BCCIP: variants seen among roughly 807,000 people sequenced by gnomAD.
BCCIP encodes BRCA2 and CDKN1A interacting protein, also known as BRCA2 and CDKN1A-interacting protein.
A neutral mutation model predicts 32.8 loss-of-function variants in BCCIP; 23 were observed. That is an observed-to-expected ratio of 0.70 (90% CI 0.51 to 0.99). The LOEUF (loss-of-function observed/expected upper bound fraction) is 0.99. Among genes scored for constraint, BCCIP ranks in the 50% least tolerant of loss-of-function variants. The pLI is 0.00. For missense variants in BCCIP, 378 were observed against 379.8 expected (o/e 1.00, Z 0.04); for synonymous variants, 144 against 137.6 (o/e 1.05, Z -0.33).
chr10:125,852,361 C>T (rs1326411208), intron 7 of BCCIP: 2 of 1,614,060 alleles, frequency 1.2e-6, no homozygotes, highest in Non-Finnish European at 1.7e-6. Flanking sequence ...AAGCACCATG[C>T]TTGTTAGGTT....
At chr10:125,826,802 C>T in intron 2 of BCCIP, 137 bp downstream of exon 2, 2 of 1,403,574 alleles carry the variant, frequency 1.4e-6, no homozygotes, top group Non-Finnish European at 9.3e-7. Context: ...GAGTTTGAGA[C>T]CAGCCTGGGC....
intron 5 of BCCIP, among the ~76,000 whole-genome samples, chr10:125,833,135 A>G (rs796777561): frequency 1.7e-4 from 26 of 152,124 alleles, no homozygotes; most frequent in African/African-American, 6.3e-4. Flanking sequence ...AAACGAAAAA[A>G]AGAAAAAAAA....
At chr10:125,850,354 C>CTTTTTTTTT (rs765077777) in intron 7 of BCCIP, among the ~76,000 whole-genome samples, 8 of 124,534 alleles carry the variant, frequency 6.4e-5, no homozygotes, top group South Asian at 2.5e-4. Flanking sequence ...TTCTTTCTTT[C>CTTTTTTTTT]TTTTTTTTTT....
chr10:125,841,787 A>T, exon 7 of BCCIP: 1 of 1,613,332 alleles, frequency 6.2e-7, no homozygotes, highest in African/African-American at 1.3e-5. Context: ...TACACAGTCA[A>T]ATTCACAGGA....
chr10:125,835,587 A>AAC (rs1854656044), intron 6 of BCCIP, among the ~76,000 whole-genome samples: 4 of 146,720 alleles, frequency 2.7e-5, no homozygotes, highest in Non-Finnish European at 4.5e-5. Flanking sequence ...TCAAAAAAAA[A>AAC]AAACAAACAA....
chr10:125,845,961 C>T (rs1163371717), downstream of BCCIP, among the ~76,000 whole-genome samples: 1 of 152,186 alleles, frequency 6.6e-6, no homozygotes, highest in Non-Finnish European at 1.5e-5. Context: ...CTGATCCTCT[C>T]GACTCTCCCT....
intron 5 of BCCIP, among the ~76,000 whole-genome samples, chr10:125,833,004 C>A (rs1284963250): frequency 6.6e-6 from 1 of 151,806 alleles, no homozygotes; most frequent in Non-Finnish European, 1.5e-5. Context: ...GACCTGTAAT[C>A]CCAGCTACTC....
Position 125,830,575 on chromosome 10 carries a change from C to A in BCCIP, c.335C>A (p.Ser112Ter). 1 of 1,595,538 alleles carries A rather than the reference C, an allele frequency of 6.3e-7. No individual in the cohort carries two copies. The highest frequency in any genetic ancestry group is 1.2e-5 in the South Asian group (1 of 86,432). The stretch of plus-strand genomic sequence containing the variant: ...CTTTTAAAATAGCAAACGGATGTTT[C>A]AGAAGACAGCAATGATGATATGGAT... ...IGSVIKQTDV[S>*]EDSNDDMDED... Residue 112 changes from serine to a stop codon, truncating the protein, a stop_gained, in exon 4 of 7, where the codon TCA (serine) becomes TAA (stop). Transcript: ENST00000278100. LOFTEE classifies it high-confidence loss of function.
At chr10:125,842,696 T>A in exon 7 of BCCIP, 1 of 361,282 alleles carries the variant, frequency 2.8e-6, no homozygotes, top group Non-Finnish European at 3.9e-6. Context: ...GAAAATACAT[T>A]GCATAATACA....
chr10:125,841,462 C>A, downstream of BCCIP: 1 of 1,512,830 alleles, frequency 6.6e-7, no homozygotes. Flanking sequence ...TTTTCTTCAT[C>A]TGCACTGATT....
chr10:125,851,920 C>CAAAAAAAAAAAAAA (rs56380138), intron 7 of BCCIP, among the ~76,000 whole-genome samples: 3 of 86,776 alleles, frequency 3.5e-5, no homozygotes, highest in African/African-American at 9.0e-5. Context: ...GACCCTGTCT[C>CAAAAAAAAAAAAAA]AAAAAAAAAA....
intron 3 of BCCIP, among the ~76,000 whole-genome samples, chr10:125,829,905 A>T (rs941355659): frequency 6.6e-6 from 1 of 152,246 alleles, no homozygotes; most frequent in Non-Finnish European, 1.5e-5. Context: ...TTCTCCAGAG[A>T]CACTTGAGGT....
chr10:125,831,914 T>TG (rs1275939629), intron 5 of BCCIP, among the ~76,000 whole-genome samples: 3 of 152,224 alleles, frequency 2.0e-5, no homozygotes, highest in African/African-American at 4.8e-5. Context: ...GATAGCTTTC[T>TG]GCAACATGAA....
Position 125,853,651 on chromosome 10 carries a change from C to T in BCCIP, c.*408C>T, listed in dbSNP as rs1944119964. Reference sequence around the variant, plus strand: ...AGTCAAACAATTTGCTTTGCTAGTACCTTAGCTAAAGAAAAAATACTATTA... The same window carrying T: ...AGTCAAACAATTTGCTTTGCTAGTATCTTAGCTAAAGAAAAAATACTATTA... On this transcript the variant is annotated 3_prime_UTR_variant, in exon 8 of 8. Transcript: ENST00000368759. 1.1e-5 allele frequency: 3 copies of T among 277,240 alleles called. No homozygotes were observed. The South Asian group carries it at 2.4e-4, about 22-fold the overall frequency. 17.2% of individuals were successfully genotyped at this position (277,240 alleles called of 1,614,324 possible).
downstream of BCCIP, among the ~76,000 whole-genome samples, chr10:125,838,648 C>T (rs962714996): frequency 5.9e-5 from 9 of 152,074 alleles, no homozygotes; most frequent in Admixed American, 5.2e-4. Context: ...ATGTTTTGGC[C>T]ATGAGATGAA....
At chr10:125,841,935 C>T (rs1205814319) in exon 7 of BCCIP, 2 of 1,579,164 alleles carry the variant, frequency 1.3e-6, no homozygotes, top group Non-Finnish European at 1.7e-6. Flanking sequence ...CTTTCTGGTG[C>T]TAGGAAAGGA....
chr10:125,835,114 CAG>C (rs1051592646), intron 6 of BCCIP, among the ~76,000 whole-genome samples: 1 of 151,226 alleles, frequency 6.6e-6, no homozygotes, highest in Non-Finnish European at 1.5e-5. Context: ...GCCTGGGCGA[CAG>C]AGCGAGACTC....
intron 7 of BCCIP, chr10:125,852,435 C>T (rs756050592): frequency 3.7e-6 from 6 of 1,614,114 alleles, no homozygotes; most frequent in African/African-American, 1.3e-5. Context: ...CTTCAGTGTA[C>T]AGGCAGAAAA....
intron 3 of BCCIP, among the ~76,000 whole-genome samples, 195 bp downstream of exon 3, chr10:125,827,833 ATAG>A (rs1409275444): frequency 6.6e-6 from 1 of 152,096 alleles, no homozygotes; most frequent in Non-Finnish European, 1.5e-5. Flanking sequence ...TTAGCCGGGC[ATAG>A]TAGCACATGC....
Sources: allele counts gnomAD v4.1 joint callset (sites outside exome capture counted in the v4.1 genomes callset), GRCh38; gene constraint gnomAD v4.1.1; transcripts MANE v1.5; gene names NCBI Gene and HGNC (gene_info 2026-07-23, HGNC 2026-07-21).